TMEM132C: variants seen among roughly 807,000 people sequenced by gnomAD.
The protein encoded by TMEM132C is protein phosphatase 1, regulatory subunit 152.
TMEM132C carries 29 observed loss-of-function variants against 61.4 expected under a neutral mutation model. That is an observed-to-expected ratio of 0.47 (90% CI 0.35 to 0.64). The LOEUF (loss-of-function observed/expected upper bound fraction) is 0.64. Ranked by LOEUF, TMEM132C falls within the 30% of genes least tolerant of loss-of-function variation. The pLI is 0.00. For missense variants in TMEM132C, 1,408 were observed against 1,476.9 expected (o/e 0.95, Z 0.76); for synonymous variants, 656 against 633.1 (o/e 1.04, Z -0.54).
intron 1 of TMEM132C, among the ~76,000 whole-genome samples, chr12:128,393,706 T>C (rs1441001476): frequency 6.6e-6 from 1 of 152,210 alleles, no homozygotes; most frequent in Non-Finnish European, 1.5e-5. Context: ...CCTGCTGTTA[T>C]TCCATTCAGT....
intron 3 of TMEM132C, among the ~76,000 whole-genome samples, chr12:128,562,319 A>C (rs1313402759): frequency 2.0e-5 from 3 of 152,210 alleles, no homozygotes; most frequent in Non-Finnish European, 4.4e-5. Context: ...ATAACTTTAA[A>C]TTGGCCCTTC....
intron 5 of TMEM132C, among the ~76,000 whole-genome samples, chr12:128,678,610 G>C (rs1199354394): frequency 6.6e-6 from 1 of 152,144 alleles, no homozygotes; most frequent in South Asian, 2.1e-4. Context: ...CTCCTACCCA[G>C]GCAGCCCTAG....
rs576726885 is a variant in TMEM132C, at chr12:128,496,333, G to C, written c.975-47624G>C. ...GTCTTGGAGTTGCTCTTCTCCAGGA[G>C]TATCTTTGTGGCGTTCTCTGTATTT... On this transcript the variant is annotated intron_variant, in intron 2 of 8. Transcript: ENST00000435159. Among the ~76,000 whole-genome samples the C allele has an allele frequency of 3.1e-3, 471 of 152,210 alleles. 5 individuals carry two copies. The highest frequency in any genetic ancestry group is 0.011 in the African/African-American group (447 of 41,526).
At chr12:128,347,651 C>T (rs1323299328) in intron 1 of TMEM132C, among the ~76,000 whole-genome samples, 1 of 152,236 alleles carries the variant, frequency 6.6e-6, no homozygotes, top group Admixed American at 6.5e-5. Context: ...TGGTCTTGAA[C>T]TCCCGAGGTC....
chr12:128,495,226 T>G (rs532297110), intron 2 of TMEM132C, among the ~76,000 whole-genome samples: 35 of 152,190 alleles, frequency 2.3e-4, no homozygotes, highest in Middle Eastern at 3.4e-3. Context: ...TCTGTTCTTT[T>G]ACATTTGCTG....
intron 4 of TMEM132C, among the ~76,000 whole-genome samples, chr12:128,667,571 C>A (rs904174104): frequency 6.6e-6 from 1 of 152,152 alleles, no homozygotes; most frequent in Non-Finnish European, 1.5e-5. Context: ...TTTAGCTGCG[C>A]CCTTGTTTAA....
At chr12:128,469,757 TAC>T (rs1205517251) in intron 2 of TMEM132C, among the ~76,000 whole-genome samples, 1 of 151,844 alleles carries the variant, frequency 6.6e-6, no homozygotes, top group African/African-American at 2.4e-5. Flanking sequence ...TGTATATATA[TAC>T]ACACATGCAT....
intron 1 of TMEM132C, among the ~76,000 whole-genome samples, chr12:128,398,565 T>A (rs1169456073): frequency 6.6e-6 from 1 of 152,274 alleles, no homozygotes; most frequent in Non-Finnish European, 1.5e-5. Flanking sequence ...ATACATAACA[T>A]AAAGCCTGTG....
At chr12:128,593,015 AC>A (rs1875810441) in intron 3 of TMEM132C, among the ~76,000 whole-genome samples, 1 of 146,998 alleles carries the variant, frequency 6.8e-6, no homozygotes, top group South Asian at 2.2e-4. Context: ...CCCTTCTCTC[AC>A]CTTCCTTCTC....
intron 2 of TMEM132C, among the ~76,000 whole-genome samples, chr12:128,429,032 A>G (rs992244680): frequency 1.3e-5 from 2 of 152,358 alleles, no homozygotes; most frequent in African/African-American, 4.8e-5. Flanking sequence ...TGCAGCTGAA[A>G]GCATTCTAAT....
At chr12:128,375,263 C>T (rs1272511076) in intron 1 of TMEM132C, among the ~76,000 whole-genome samples, 5 of 152,110 alleles carry the variant, frequency 3.3e-5, no homozygotes, top group Admixed American at 3.3e-4. Context: ...CACAGGAAGG[C>T]CACGGGAGGG....
intron 1 of TMEM132C, among the ~76,000 whole-genome samples, chr12:128,328,012 A>AC (rs1308466414): frequency 6.7e-6 from 1 of 150,182 alleles, no homozygotes; most frequent in African/African-American, 2.5e-5. Context: ...GGTCTGCTTG[A>AC]CCCCCCACTT....
At chr12:128,595,874 G>A (rs879423286) in intron 3 of TMEM132C, among the ~76,000 whole-genome samples, 2 of 152,206 alleles carry the variant, frequency 1.3e-5, no homozygotes, top group Non-Finnish European at 2.9e-5. Flanking sequence ...CCCCCAGAAC[G>A]TAGCCTCCCA....
chr12:128,489,562 C>CATATATATATATATATAT (rs10654008), intron 2 of TMEM132C, among the ~76,000 whole-genome samples: 4,091 of 137,920 alleles, frequency 0.03, 98 homozygotes, highest in Non-Finnish European at 0.038. Flanking sequence ...TTTATATGCT[C>CATATATATATATATATAT]ATATATATAT....
At chr12:128,556,079 T>C (rs921255668) in intron 3 of TMEM132C, among the ~76,000 whole-genome samples, 13 of 151,684 alleles carry the variant, frequency 8.6e-5, no homozygotes, top group Non-Finnish European at 1.9e-4. Flanking sequence ...GGCATTGGGG[T>C]GGTGGGTGGA....
At chr12:128,671,579 G>T (rs531057060) in intron 5 of TMEM132C, among the ~76,000 whole-genome samples, 2 of 152,266 alleles carry the variant, frequency 1.3e-5, no homozygotes, top group Admixed American at 6.5e-5. Context: ...GAGTAGAAGA[G>T]AAGTTTACAA....
At chr12:128,586,687 G>A (rs1305057494) in intron 3 of TMEM132C, among the ~76,000 whole-genome samples, 1 of 152,128 alleles carries the variant, frequency 6.6e-6, no homozygotes, top group Non-Finnish European at 1.5e-5. Flanking sequence ...GAAAATTGTG[G>A]CAAATATTAA....
At chr12:128,661,994 A>C (rs1393392507) in intron 4 of TMEM132C, among the ~76,000 whole-genome samples, 1 of 152,222 alleles carries the variant, frequency 6.6e-6, no homozygotes, top group Non-Finnish European at 1.5e-5. Context: ...AAATCCTGAC[A>C]GTGATTGCCA....
At chr12:128,347,739 T>G (rs1474544419) in intron 1 of TMEM132C, among the ~76,000 whole-genome samples, 1 of 152,224 alleles carries the variant, frequency 6.6e-6, no homozygotes, top group Non-Finnish European at 1.5e-5. Context: ...GCATGTGTCT[T>G]TTTCATATAA....
Sources: gnomAD v4.1 joint callset for allele counts (sites outside exome capture counted in the v4.1 genomes callset) on GRCh38, gnomAD v4.1.1 for gene constraint, MANE v1.5 for transcripts, NCBI Gene and HGNC (gene_info 2026-07-23, HGNC 2026-07-21) for gene names.